Variants in ATP1A1 observed in about 807,000 individuals in gnomAD.
The protein encoded by ATP1A1 is sodium/potassium-transporting ATPase subunit alpha-1.
ATP1A1 carries 14 observed loss-of-function variants against 114.8 expected under a neutral mutation model. That is an observed-to-expected ratio of 0.12 (90% CI 0.08 to 0.19). ATP1A1 has a LOEUF of 0.19. Ranked by LOEUF, ATP1A1 falls within the 10% of genes least tolerant of loss-of-function variation. ATP1A1 has a pLI of 1.00. For synonymous variants in ATP1A1, 471 were observed against 466.3 expected, an observed-to-expected ratio of 1.01 and a Z score of -0.13; for missense variants, 524 against 1,290.7, an observed-to-expected ratio of 0.41 and a Z score of 9.10.
chr1:116,379,122 G>C (rs1022492088), intron 1 of ATP1A1, among the ~76,000 whole-genome samples: 1 of 152,202 alleles, frequency 6.6e-6, no homozygotes, highest in African/African-American at 2.4e-5. Flanking sequence ...GGCTCATTAA[G>C]AATTGACATG....
chr1:116,398,135 C>T lies in ATP1A1; in HGVS notation c.2124+97C>T. The stretch of plus-strand genomic sequence containing the variant: ...AGCAACGGTGATGGATGGATGCATA[C>T]CTCGCTGTATTAGACTCAGTATAAA... On this transcript the variant is annotated intron_variant, in intron 15 of 22. Transcript: ENST00000295598. The surrounding 1 kb of genome is among the most constrained non-coding windows in gnomAD (Gnocchi z 6.1). The T allele has an allele frequency of 6.7e-7, 1 of 1,499,720 alleles. No individual in the cohort carries two copies. Among genetic ancestry groups the T allele is most frequent in the Non-Finnish European group, 9.1e-7 (1 of 1,104,394 alleles). The allele number at this position is 1,499,720 out of a possible 1,614,324, so 92.9% of individuals were successfully genotyped here.
intron 10 of ATP1A1, among the ~76,000 whole-genome samples, chr1:116,391,894 G>A (rs774010973): frequency 2.0e-5 from 3 of 152,072 alleles, no homozygotes; most frequent in Non-Finnish European, 4.4e-5. Flanking sequence ...TCTGGAGTTC[G>A]GCCATGTTGA....
intron 1 of ATP1A1, among the ~76,000 whole-genome samples, chr1:116,377,691 T>C (rs1441913178): frequency 1.3e-5 from 2 of 152,242 alleles, no homozygotes; most frequent in Non-Finnish European, 2.9e-5. Flanking sequence ...ACATTTGTGC[T>C]GTGCTGACTT....
In ATP1A1 at chr1:116,390,864, T is replaced by C; in HGVS notation, c.1305T>C (p.Ala435=). 6.2e-7 allele frequency: 1 copy of C among 1,614,222 alleles called. No individual in the cohort carries two copies. The highest frequency in any genetic ancestry group is 2.2e-5 in the East Asian group (1 of 44,882). Residue 435 remains alanine (A), a synonymous_variant, in exon 10 of 23, where the codon GCT becomes GCC. Transcript: ENST00000295598. The part of the protein sequence containing the change: ...AGLCNRAVFQ[A]NQENLPILKR... Reference sequence around the variant, plus strand: ...TTTGTAACAGGGCAGTGTTTCAGGCTAACCAGGAAAACCTACCTATTCTTA... The same window carrying C: ...TTTGTAACAGGGCAGTGTTTCAGGCCAACCAGGAAAACCTACCTATTCTTA...
Position 116,404,092 on chromosome 1 carries a change from A to C in ATP1A1, c.3043+117A>C. 1.0e-6 allele frequency: 1 copy of C among 986,342 alleles called. No homozygotes were observed. Among genetic ancestry groups the C allele is most frequent in the Non-Finnish European group, 1.5e-6 (1 of 655,478 alleles). 61.1% of individuals were successfully genotyped at this position (986,342 alleles called of 1,614,324 possible). A position where few individuals can be genotyped will look rare whatever the true frequency, so the allele number is the denominator to read the frequency against. Reference sequence around the variant, plus strand: ...CCTCAGTGGTCAGTCTGATTAGCTAAGGTGACTGGACCAGCAAACTGACCA... The same window carrying C: ...CCTCAGTGGTCAGTCTGATTAGCTACGGTGACTGGACCAGCAAACTGACCA... On this transcript the variant is annotated intron_variant, in intron 22 of 22. Coordinates refer to ENST00000295598, the MANE Select transcript of ATP1A1 (RefSeq NM_000701.8). This position sits in a 1 kb window ranked among gnomAD's most constrained non-coding sequence, Gnocchi z 4.8.
intron 1 of ATP1A1, chr1:116,374,382 C>A: frequency 8.0e-7 from 1 of 1,252,752 alleles, no homozygotes; most frequent in South Asian, 1.3e-5. Context: ...TAGGCAGACC[C>A]ACCAGGGCCT....
In ATP1A1 at chr1:116,387,758, G is replaced by A. The variant is rs1652198242; in HGVS notation, c.387+267G>A. 6.6e-6 allele frequency among the ~76,000 whole-genome samples: 1 copy of A among 152,186 alleles called. No homozygotes were observed. Among genetic ancestry groups the A allele is most frequent in the African/African-American group, 2.4e-5 (1 of 41,448 alleles). ...GAGCAGGCAGCTCTGCTCAGGCCCC[G>A]GCCGCCACCCACTGGATGGCAGAGC... On this transcript the variant is annotated intron_variant, in intron 4 of 22. Coordinates refer to ENST00000295598, the MANE Select transcript of ATP1A1 (RefSeq NM_000701.8). This position sits in a 1 kb window ranked among gnomAD's most constrained non-coding sequence, Gnocchi z 6.7.
chr1:116,373,369 C>CA lies in ATP1A1; in HGVS notation c.-143_-142insA. The CA allele has an allele frequency of 1.6e-5, 8 of 485,890 alleles. No individual in the cohort carries two copies. The highest frequency in any genetic ancestry group is 4.9e-5 in the Admixed American group (1 of 20,496). 30.1% of individuals were successfully genotyped at this position (485,890 alleles called of 1,614,324 possible). A position where few individuals can be genotyped will look rare whatever the true frequency, so the allele number is the denominator to read the frequency against. On this transcript the variant is annotated 5_prime_UTR_variant, in exon 1 of 23. Coordinates refer to ENST00000295598, the MANE Select transcript of ATP1A1 (RefSeq NM_000701.8). ...GCATCGGCCCGAGCCGCCGGCCGCCCTCCCACCCTCCCGCCCCGCGGCAGC... is the reference window on the plus strand; with the variant it reads ...GCATCGGCCCGAGCCGCCGGCCGCCCATCCCACCCTCCCGCCCCGCGGCAGC...
rs765569956 is a variant in ATP1A1, at chr1:116,378,871, T to G, written c.13-5143T>G. Among the ~76,000 whole-genome samples the G allele has an allele frequency of 3.9e-5, 6 of 152,104 alleles. 1 individual carries two copies. The highest frequency in any genetic ancestry group is 3.3e-4 in the Admixed American group (5 of 15,270). On this transcript the variant is annotated intron_variant, in intron 1 of 22. Transcript: ENST00000295598. ...TCTGGTAAAATGAAAAAAAGGAGGG[T>G]AAGGTGGTCAGCAGAAAGGGGGAGT...
In ATP1A1 at chr1:116,388,606, T is replaced by C. The variant is rs776896949; in HGVS notation, c.502-32T>C. The stretch of plus-strand genomic sequence containing the variant: ...GGACACTACCTTCTCTTTGTTGGTA[T>C]ACTAACGGTGTAAATTGTTTCTTTT... On this transcript the variant is annotated intron_variant, in intron 5 of 22. Transcript: ENST00000295598. The surrounding 1 kb of genome is among the most constrained non-coding windows in gnomAD (Gnocchi z 5.6). The C allele has an allele frequency of 1.2e-6, 2 of 1,610,190 alleles. No individual in the cohort carries two copies. Among genetic ancestry groups the C allele is most frequent in the African/African-American group, 2.7e-5 (2 of 74,662 alleles).
intron 21 of ATP1A1, among the ~76,000 whole-genome samples, chr1:116,402,415 G>A (rs1252606545): frequency 6.6e-6 from 1 of 152,148 alleles, no homozygotes; most frequent in African/African-American, 2.4e-5. Context: ...TTGAATTCCT[G>A]CTGTCCTCAT....
chr1:116,388,359 G>C lies in ATP1A1; in HGVS notation c.501+115G>C. ...GTATTACATGACTCATCAGAGAGAT[G>C]GATGTCTTCTACCCCACCCAAAACC... On this transcript the variant is annotated intron_variant, in intron 5 of 22. Coordinates refer to ENST00000295598, the MANE Select transcript of ATP1A1 (RefSeq NM_000701.8). This position sits in a 1 kb window ranked among gnomAD's most constrained non-coding sequence, Gnocchi z 5.6. 1 of 1,030,310 alleles carries C rather than the reference G, an allele frequency of 9.7e-7. No homozygotes were observed. Among genetic ancestry groups the C allele is most frequent in the South Asian group, 1.4e-5 (1 of 70,570 alleles). The allele number at this position is 1,030,310 out of a possible 1,614,324, so 63.8% of individuals were successfully genotyped here.
intron 18 of ATP1A1, among the ~76,000 whole-genome samples, chr1:116,400,071 G>C (rs1653311635): frequency 6.6e-6 from 1 of 152,220 alleles, no homozygotes; most frequent in Admixed American, 6.5e-5. Context: ...CAGGTGGTGG[G>C]CAATCAGCAT....
At chr1:116,373,922 C>T (rs2101025880) in intron 1 of ATP1A1, 3 of 1,312,830 alleles carry the variant, frequency 2.3e-6, no homozygotes, top group Non-Finnish European at 2.9e-6. Flanking sequence ...GCTCCCCTCC[C>T]TGCGACCGCC....
At chr1:116,374,306 A>T in intron 1 of ATP1A1, 2 of 1,550,992 alleles carry the variant, frequency 1.3e-6, no homozygotes, top group Non-Finnish European at 1.7e-6. Flanking sequence ...TGGCAACTGG[A>T]GTTGTCATCC....
In ATP1A1 at chr1:116,385,527, C is replaced by T. The variant is rs2101039896; in HGVS notation, c.183+685C>T. 6.5e-6 allele frequency: 1 copy of T among 152,762 alleles called. No homozygotes were observed. Among genetic ancestry groups the T allele is most frequent in the African/African-American group, 2.4e-5 (1 of 41,550 alleles). 9.5% of individuals were successfully genotyped at this position (152,762 alleles called of 1,614,324 possible). ...AGTAAGGCATCAAGAGACATGGGTA[C>T]TGTGGTATTCTGATATATATTGGTT... On this transcript the variant is annotated intron_variant, in intron 3 of 22. Transcript: ENST00000295598. The surrounding 1 kb of genome is among the most constrained non-coding windows in gnomAD (Gnocchi z 4.3).
intron 21 of ATP1A1, among the ~76,000 whole-genome samples, chr1:116,402,923 G>GCT (rs1653627142): frequency 1.3e-5 from 2 of 152,324 alleles, no homozygotes; most frequent in South Asian, 4.1e-4. Context: ...CCTACACAAA[G>GCT]CTGGTGTACA....
Position 116,393,072 on chromosome 1 carries a change from T to C in ATP1A1, c.1467+84T>C. 1 of 1,553,364 alleles carries C rather than the reference T, an allele frequency of 6.4e-7. No homozygotes were observed. The highest frequency in any genetic ancestry group is 8.7e-7 in the Non-Finnish European group (1 of 1,147,896). On this transcript the variant is annotated intron_variant, in intron 11 of 22. Coordinates refer to ENST00000295598, the MANE Select transcript of ATP1A1 (RefSeq NM_000701.8). The surrounding 1 kb of genome is among the most constrained non-coding windows in gnomAD (Gnocchi z 5.0). ...GTACATGAGCAGGAAGAGGAAATAT[T>C]CTCCCTTTGGAGTTTTATAAGCTTT... is the stretch of plus-strand genomic sequence containing the variant.
Position 116,389,863 on chromosome 1 carries a change from G to C in ATP1A1, c.1023+156G>C. The C allele has an allele frequency of 8.7e-7, 1 of 1,149,920 alleles. No individual in the cohort carries two copies. The highest frequency in any genetic ancestry group is 1.2e-6 in the Non-Finnish European group (1 of 833,280). The allele number at this position is 1,149,920 out of a possible 1,614,324, so 71.2% of individuals were successfully genotyped here. A position where few individuals can be genotyped will look rare whatever the true frequency, so the allele number is the denominator to read the frequency against. ...CCACATCACGTGGTGAATTTTGACA[G>C]TGAGAAAACCTCAGCATTTGTTTAT... On this transcript the variant is annotated intron_variant, in intron 8 of 22. Coordinates refer to ENST00000295598, the MANE Select transcript of ATP1A1 (RefSeq NM_000701.8). This position sits in a 1 kb window ranked among gnomAD's most constrained non-coding sequence, Gnocchi z 6.9.
Sources: allele counts gnomAD v4.1 joint callset (sites outside exome capture counted in the v4.1 genomes callset), GRCh38; gene constraint gnomAD v4.1.1; non-coding constraint Gnocchi (gnomAD v3.1); transcripts MANE v1.5; gene names NCBI Gene and HGNC (gene_info 2026-07-23, HGNC 2026-07-21).